Variants in CYP2C8 observed in about 807,000 individuals in gnomAD.
The protein encoded by CYP2C8 is cytochrome P450 2C8.
In CYP2C8, 51 loss-of-function variants were observed where a neutral mutation model predicts 41.3. That is an observed-to-expected ratio of 1.24 (90% confidence interval 0.99 to 1.56). The LOEUF (loss-of-function observed/expected upper bound fraction) is 1.56. Among genes scored for constraint, CYP2C8 ranks in the 40% most tolerant of loss-of-function variants. The probability of loss-of-function intolerance (pLI) is 0.00; values close to 1 mark genes in which losing one functional copy is unlikely to be tolerated. For missense variants in CYP2C8, 651 were observed against 579.9 expected (o/e 1.12, Z -1.26); for synonymous variants, 218 against 205.8 (o/e 1.06, Z -0.51).
intron 4 of CYP2C8, among the ~76,000 whole-genome samples, chr10:95,059,057 G>T: frequency 6.6e-6 from 1 of 152,082 alleles, no homozygotes; most frequent in Non-Finnish European, 1.5e-5. Flanking sequence ...TGCACATTTG[G>T]CTTGGTTCCA....
In CYP2C8 at chr10:95,037,040, G is replaced by T; in HGVS notation, c.*88C>A. 1.6e-6 allele frequency: 2 copies of T among 1,234,554 alleles called. No individual in the cohort carries two copies. The highest frequency in any genetic ancestry group is 2.4e-6 in the Non-Finnish European group (2 of 842,044). The allele number at this position is 1,234,554 out of a possible 1,614,324, so 76.5% of individuals were successfully genotyped here. A position where few individuals can be genotyped will look rare whatever the true frequency, so the allele number is the denominator to read the frequency against. The stretch of plus-strand genomic sequence containing the variant: ...AGTGAATGGGAAGATTTGATGAGAG[G>T]TCAGAGAAGACATAATAGTGGGAAT... On this transcript the variant is annotated 3_prime_UTR_variant, in exon 9 of 9. Transcript: ENST00000371270.
intron 4 of CYP2C8, among the ~76,000 whole-genome samples, chr10:95,060,549 A>T (rs1289067757): frequency 6.6e-6 from 1 of 152,138 alleles, no homozygotes; most frequent in Non-Finnish European, 1.5e-5. Context: ...TTGGGCTGAG[A>T]TGATGGGGTT....
chr10:95,066,117 G>GGT (rs1589448653), intron 3 of CYP2C8, among the ~76,000 whole-genome samples: 1 of 82,064 alleles, frequency 1.2e-5, no homozygotes, highest in South Asian at 4.5e-4. Context: ...GGGAAGCCTT[G>GGT]GTGAGAGAGA....
At chr10:95,044,122 C>G (rs907503091) in intron 6 of CYP2C8, among the ~76,000 whole-genome samples, 1 of 152,180 alleles carries the variant, frequency 6.6e-6, no homozygotes, top group African/African-American at 2.4e-5. Flanking sequence ...CTCTGACACT[C>G]TCATTCTCTT....
chr10:95,053,088 A>G (rs888512861), intron 5 of CYP2C8, among the ~76,000 whole-genome samples: 9 of 152,210 alleles, frequency 5.9e-5, no homozygotes, highest in African/African-American at 2.2e-4. Flanking sequence ...CAAATTCCGT[A>G]AAGTTGCAAG....
chr10:95,064,335 C>T (rs2033510662), intron 4 of CYP2C8, among the ~76,000 whole-genome samples: 1 of 152,154 alleles, frequency 6.6e-6, no homozygotes, highest in African/African-American at 2.4e-5. Context: ...ATGGTGGACA[C>T]CCCTCCCCCA....
chr10:95,038,855 C>G (rs771626843), intron 8 of CYP2C8, 42 bp downstream of exon 8: 1 of 1,606,658 alleles, frequency 6.2e-7, no homozygotes, highest in Non-Finnish European at 8.5e-7. Flanking sequence ...CCAAAAAGTT[C>G]TCTCTTTCCT....
intron 4 of CYP2C8, among the ~76,000 whole-genome samples, chr10:95,063,222 C>G (rs951841123): frequency 6.6e-6 from 1 of 152,084 alleles, no homozygotes; most frequent in Non-Finnish European, 1.5e-5. Context: ...TGGATAATAC[C>G]CTGCAGAGTG....
intron 4 of CYP2C8, among the ~76,000 whole-genome samples, chr10:95,060,878 CT>C (rs2033413700): frequency 6.6e-6 from 1 of 152,090 alleles, no homozygotes; most frequent in Non-Finnish European, 1.5e-5. Context: ...TTTAAAAGGC[CT>C]TTTCTGCATC....
At chr10:95,065,215 A>G (rs11572089) in intron 3 of CYP2C8, among the ~76,000 whole-genome samples, 4,383 of 152,294 alleles carry the variant, frequency 0.029, 231 homozygotes, top group African/African-American at 0.098. Flanking sequence ...AAACTCTTTT[A>G]ACCCCAAGTG....
At chr10:95,061,316 A>C (rs2033423472) in intron 4 of CYP2C8, among the ~76,000 whole-genome samples, 1 of 152,190 alleles carries the variant, frequency 6.6e-6, no homozygotes, top group Non-Finnish European at 1.5e-5. Flanking sequence ...CCTCAATTTC[A>C]GAGCCTGTTA....
intron 8 of CYP2C8, among the ~76,000 whole-genome samples, chr10:95,037,813 TG>T (rs1366482235): frequency 3.9e-5 from 6 of 152,200 alleles, no homozygotes; most frequent in Admixed American, 1.3e-4. Context: ...CATATCCTGT[TG>T]TTCATTTTGG....
rs11572113 is a variant in CYP2C8 at position 95,056,384 on chromosome 10, A to G, written c.819+1951T>C. On this transcript the variant is annotated intron_variant, in intron 5 of 8. Transcript: ENST00000371270. ...CATAAAATTACCATATGACCCAGAA[A>G]TAACACTCCTAGGACTATACCCTGG... Among the ~76,000 whole-genome samples, 624 of 152,322 alleles carry G rather than the reference A, an allele frequency of 4.1e-3. 1 individual carries two copies. The highest frequency in any genetic ancestry group is 0.014 in the African/African-American group (599 of 41,578).
intron 4 of CYP2C8, among the ~76,000 whole-genome samples, chr10:95,060,878 C>T (rs181469900): frequency 1.3e-5 from 2 of 152,090 alleles, no homozygotes; most frequent in Admixed American, 1.3e-4. Context: ...TTTAAAAGGC[C>T]TTTTCTGCAT....
At chr10:95,045,390 C>T (rs561374245) in intron 6 of CYP2C8, among the ~76,000 whole-genome samples, 9 of 152,216 alleles carry the variant, frequency 5.9e-5, no homozygotes, top group African/African-American at 1.7e-4. Flanking sequence ...CTAGAATTTC[C>T]ACTTATGCTT....
At chr10:95,068,137 G>A (rs987426729) in intron 1 of CYP2C8, among the ~76,000 whole-genome samples, 2 of 152,006 alleles carry the variant, frequency 1.3e-5, no homozygotes, top group East Asian at 1.9e-4. Context: ...AAGACTTCAG[G>A]GTCACTTGTA....
At chr10:95,048,722 C>T (rs533111942) in intron 5 of CYP2C8, among the ~76,000 whole-genome samples, 8 of 152,208 alleles carry the variant, frequency 5.3e-5, no homozygotes, top group South Asian at 4.1e-4. Context: ...GAGCCACCTA[C>T]GCTGGTAGCT....
intron 5 of CYP2C8, among the ~76,000 whole-genome samples, chr10:95,056,232 C>A (rs991345251): frequency 3.3e-5 from 5 of 152,086 alleles, no homozygotes; most frequent in African/African-American, 1.2e-4. Flanking sequence ...TTTGCACTGA[C>A]ACAAAAAACA....
In CYP2C8 at chr10:95,069,307, G is replaced by T; in HGVS notation, c.96C>A (p.Gly32=). Residue 32 remains glycine, a synonymous_variant, in exon 1 of 9, where the codon GGC becomes GGA. Transcript: ENST00000371270. ...TTCCAATAATAGGAAGAGGAGTGGGGCCAGGAGGGAGCTTCCTTCTCCTAC... is the reference window on the plus strand; with the variant it reads ...TTCCAATAATAGGAAGAGGAGTGGGTCCAGGAGGGAGCTTCCTTCTCCTAC... ...QSCRRRKLPP[G]PTPLPIIGNM... 3 of 1,613,982 alleles carry T rather than the reference G, an allele frequency of 1.9e-6. No homozygotes were observed. The highest frequency in any genetic ancestry group is 1.3e-5 in the African/African-American group (1 of 75,030).
Sources: allele counts gnomAD v4.1 joint callset (sites outside exome capture counted in the v4.1 genomes callset), GRCh38; gene constraint gnomAD v4.1.1; transcripts MANE v1.5; gene names NCBI Gene and HGNC (gene_info 2026-07-23, HGNC 2026-07-21).